Variants in ROBO1 observed in about 807,000 individuals in gnomAD.
ROBO1 encodes roundabout homolog 1.
Under a neutral mutation model 195.9 loss-of-function variants are expected in ROBO1, and 149 were observed. That is an observed-to-expected ratio of 0.76 (90% confidence interval 0.67 to 0.87). The LOEUF (loss-of-function observed/expected upper bound fraction) is 0.87, where lower values mean the gene tolerates loss of function less well. ROBO1 is among the 40% of genes least tolerant of loss of function. The pLI, the probability that ROBO1 is intolerant of heterozygous loss-of-function variation, is 0.00. For missense variants in ROBO1, 1,933 were observed against 2,068.3 expected, an observed-to-expected ratio of 0.93 and a Z score of 1.27; for synonymous variants, 816 against 733.2, an observed-to-expected ratio of 1.11 and a Z score of -1.82.
At chr3:78,674,924 T>TAGTA (rs1321743244) in intron 10 of ROBO1, among the ~76,000 whole-genome samples, 1 of 152,180 alleles carries the variant, frequency 6.6e-6, no homozygotes, top group Non-Finnish European at 1.5e-5. Flanking sequence ...TTGGTTATAG[T>TAGTA]AGTCATTATT....
chr3:78,980,468 T>G, intron 3 of ROBO1, among the ~76,000 whole-genome samples: 1 of 152,222 alleles, frequency 6.6e-6, no homozygotes, highest in East Asian at 1.9e-4. Flanking sequence ...TACACAAGGT[T>G]ACCATTTTAA....
rs942782986 is a variant in ROBO1 at position 79,323,845 on chromosome 3, C to A, written c.89-198306G>T. On this transcript the variant is annotated intron_variant, in intron 2 of 30. Transcript: ENST00000464233. ...CAGTGGCAGTTCAAGTTGCAAATTA[C>A]GCATTTTCCTTAACCCAGTAGTATA... Among the ~76,000 whole-genome samples the A allele has an allele frequency of 2.0e-5, 3 of 152,202 alleles. No homozygotes were observed. In the East Asian group the frequency reaches 5.8e-4, roughly 29 times the overall value.
At chr3:78,828,641 T>C (rs2031858923) in intron 4 of ROBO1, among the ~76,000 whole-genome samples, 2 of 146,644 alleles carry the variant, frequency 1.4e-5, no homozygotes, top group South Asian at 4.3e-4. Context: ...CATTTGGGTA[T>C]GTCAGAATCA....
chr3:78,777,290 A>T (rs1576144718), intron 4 of ROBO1, among the ~76,000 whole-genome samples: 1 of 152,208 alleles, frequency 6.6e-6, no homozygotes, highest in East Asian at 1.9e-4. Context: ...ACTTCTGATG[A>T]CCAGAGGAAG....
chr3:78,615,717 C>T lies in ROBO1; in HGVS notation c.4283-917G>A, dbSNP rs902703334. On this transcript the variant is annotated intron_variant, in intron 27 of 30. Coordinates refer to ENST00000464233, the MANE Select transcript of ROBO1 (RefSeq NM_002941.4). ...ACCACAAGAAACTTCAAATGGACCG[C>T]GACAACATGTCTTTTGGCTATAAAC... Among the ~76,000 whole-genome samples, 9 of 152,118 alleles carry T rather than the reference C, an allele frequency of 5.9e-5. No homozygotes were observed. In the South Asian group the frequency reaches 6.2e-4, roughly 10 times the overall value.
chr3:79,370,316 C>A (rs894149290), intron 2 of ROBO1, among the ~76,000 whole-genome samples: 4 of 152,008 alleles, frequency 2.6e-5, no homozygotes, highest in African/African-American at 9.7e-5. Flanking sequence ...TGAGATGGCC[C>A]CCCTGTACTC....
At chr3:79,289,660 A>G (rs1210891643) in intron 2 of ROBO1, among the ~76,000 whole-genome samples, 1 of 152,168 alleles carries the variant, frequency 6.6e-6, no homozygotes, top group African/African-American at 2.4e-5. Context: ...CATTTTCTCA[A>G]AACTTTTGGT....
intron 2 of ROBO1, among the ~76,000 whole-genome samples, chr3:79,429,569 A>C (rs1207412081): frequency 6.6e-6 from 1 of 152,082 alleles, no homozygotes; most frequent in African/African-American, 2.4e-5. Flanking sequence ...TAAACAAACA[A>C]ACAACCTGAT....
intron 2 of ROBO1, among the ~76,000 whole-genome samples, chr3:79,209,577 A>G (rs2081934866): frequency 6.6e-6 from 1 of 152,138 alleles, no homozygotes; most frequent in African/African-American, 2.4e-5. Flanking sequence ...AGGAAACTCC[A>G]TACTGTTTTC....
chr3:78,887,829 A>C (rs1308594385), intron 4 of ROBO1, among the ~76,000 whole-genome samples: 1 of 152,154 alleles, frequency 6.6e-6, no homozygotes, highest in East Asian at 1.9e-4. Context: ...AATCCTAAAT[A>C]AAGTTTTAAG....
At chr3:79,611,330 A>T (rs1305241306) in intron 1 of ROBO1, among the ~76,000 whole-genome samples, 1 of 152,120 alleles carries the variant, frequency 6.6e-6, no homozygotes, top group African/African-American at 2.4e-5. Context: ...AATTAAAATT[A>T]AACATAAATG....
At chr3:78,998,847 C>G (rs750332229) in intron 3 of ROBO1, among the ~76,000 whole-genome samples, 4 of 152,042 alleles carry the variant, frequency 2.6e-5, no homozygotes, top group Non-Finnish European at 5.9e-5. Flanking sequence ...TTTGGATAGG[C>G]AGTTACCTAC....
intron 3 of ROBO1, among the ~76,000 whole-genome samples, chr3:78,959,277 C>A (rs2041216324): frequency 7.4e-6 from 1 of 135,076 alleles, no homozygotes; most frequent in Admixed American, 7.8e-5. Context: ...TACTGAAAGG[C>A]AATATGTGTG....
At chr3:79,141,122 T>C (rs2080515323) in intron 2 of ROBO1, among the ~76,000 whole-genome samples, 1 of 152,182 alleles carries the variant, frequency 6.6e-6, no homozygotes, top group South Asian at 2.1e-4. Flanking sequence ...TACTGTCTCC[T>C]GTAGAGAGAT....
At chr3:79,048,189 C>G (rs1320038693) in intron 3 of ROBO1, among the ~76,000 whole-genome samples, 1 of 152,096 alleles carries the variant, frequency 6.6e-6, no homozygotes, top group Non-Finnish European at 1.5e-5. Flanking sequence ...GCTTCCAATT[C>G]ATTCCAATTA....
At chr3:79,700,171 T>C (rs1304772462) in intron 1 of ROBO1, among the ~76,000 whole-genome samples, 2 of 151,844 alleles carry the variant, frequency 1.3e-5, no homozygotes, top group African/African-American at 2.4e-5. Flanking sequence ...TGATTTTGGT[T>C]TTTTATGGCT....
intron 10 of ROBO1, among the ~76,000 whole-genome samples, chr3:78,678,197 C>T (rs1473548039): frequency 4.0e-5 from 6 of 151,542 alleles, no homozygotes; most frequent in Admixed American, 3.3e-4. Context: ...AAATTTATAG[C>T]ACTAAATGCC....
At chr3:79,707,839 G>A (rs776106496) in intron 1 of ROBO1, among the ~76,000 whole-genome samples, 2 of 152,086 alleles carry the variant, frequency 1.3e-5, no homozygotes, top group Non-Finnish European at 2.9e-5. Context: ...AAATTTAACT[G>A]AGCCAGTCAA....
chr3:78,923,408 G>A (rs2039048797), intron 4 of ROBO1, among the ~76,000 whole-genome samples: 1 of 151,996 alleles, frequency 6.6e-6, no homozygotes, highest in African/African-American at 2.4e-5. Flanking sequence ...AAGTGGAAAG[G>A]GACTGATTAA....
Sources: gnomAD v4.1 joint callset for allele counts (sites outside exome capture counted in the v4.1 genomes callset) on GRCh38, gnomAD v4.1.1 for gene constraint, MANE v1.5 for transcripts, NCBI Gene and HGNC (gene_info 2026-07-23, HGNC 2026-07-21) for gene names.